PARD3: variants seen among roughly 807,000 people sequenced by gnomAD.
PARD3 encodes par-3 family cell polarity regulator.
A neutral mutation model predicts 155.4 loss-of-function variants in PARD3; 75 were observed. That is an observed-to-expected ratio of 0.48 (90% confidence interval 0.40 to 0.58). PARD3 has a LOEUF of 0.58. Among genes scored for constraint, PARD3 ranks in the 20% least tolerant of loss-of-function variants. PARD3 has a pLI of 0.00. For synonymous variants in PARD3, 576 were observed against 610.5 expected (o/e 0.94, Z 0.83); for missense variants, 1,642 against 1,721.7 (o/e 0.95, Z 0.82).
rs3041198 is a variant in PARD3, at chr10:34,562,123, CAAAAAA to C, written c.223-44970_223-44965del. On this transcript the variant is annotated intron_variant, in intron 2 of 24. Coordinates refer to ENST00000374788, the MANE Select transcript of PARD3 (RefSeq NM_001184785.2). ...CCTGGGTGACGGAGCCTGACTGTCT[CAAAAAA>C]AAAAAAAAAAAAAAAAAAAAAAAGG... is the stretch of plus-strand genomic sequence containing the variant. Among the ~76,000 whole-genome samples, 27 of 26,362 alleles carry C rather than the reference CAAAAAA, an allele frequency of 1.0e-3. 1 individual carries two copies. Among genetic ancestry groups the C allele is most frequent in the African/African-American group, 3.1e-3 (24 of 7,804 alleles). 17.3% of individuals were successfully genotyped at this position (26,362 alleles called of 152,430 possible).
intron 2 of PARD3, among the ~76,000 whole-genome samples, chr10:34,648,349 C>T (rs958884093): frequency 3.9e-5 from 6 of 152,158 alleles, no homozygotes; most frequent in African/African-American, 1.2e-4. Flanking sequence ...CAAGAGCTGC[C>T]GTGAATGGCT....
At chr10:34,812,681 A>G (rs1052196620) in intron 1 of PARD3, among the ~76,000 whole-genome samples, 9 of 152,262 alleles carry the variant, frequency 5.9e-5, no homozygotes, top group African/African-American at 2.2e-4. Flanking sequence ...AGCCCCCGTT[A>G]AAATTCACCT....
intron 3 of PARD3, among the ~76,000 whole-genome samples, chr10:34,480,430 A>T (rs970904194): frequency 2.6e-5 from 4 of 152,124 alleles, no homozygotes; most frequent in Admixed American, 1.3e-4. Flanking sequence ...TAAAAACAGG[A>T]TTTCACAGTG....
intron 21 of PARD3, among the ~76,000 whole-genome samples, chr10:34,273,374 G>GA (rs757923809): frequency 3.7e-4 from 57 of 152,082 alleles, no homozygotes; most frequent in Non-Finnish European, 6.8e-4. Context: ...CATGCAATGT[G>GA]AAAAAAACCC....
intron 2 of PARD3, among the ~76,000 whole-genome samples, chr10:34,677,469 G>A (rs2093730414): frequency 6.7e-6 from 1 of 149,234 alleles, no homozygotes; most frequent in African/African-American, 2.5e-5. Context: ...AACAGATCTA[G>A]ACTCTGTCTC....
chr10:34,718,233 T>C (rs777079514), intron 1 of PARD3, among the ~76,000 whole-genome samples: 20 of 151,112 alleles, frequency 1.3e-4, no homozygotes, highest in Non-Finnish European at 2.9e-4. Context: ...GTTATGGAAA[T>C]TGTAACTGCC....
chr10:34,494,861 G>A (rs1401433044), intron 3 of PARD3, among the ~76,000 whole-genome samples: 1 of 152,104 alleles, frequency 6.6e-6, no homozygotes, highest in African/African-American at 2.4e-5. Flanking sequence ...CACTGATGAA[G>A]CCAGCTTTGG....
At chr10:34,801,122 A>G (rs1246685937) in intron 1 of PARD3, among the ~76,000 whole-genome samples, 1 of 152,218 alleles carries the variant, frequency 6.6e-6, no homozygotes, top group Non-Finnish European at 1.5e-5. Context: ...CAAAGCACAA[A>G]AACAAAGGGG....
At chr10:34,240,105 T>C (rs1481425934) in intron 22 of PARD3, among the ~76,000 whole-genome samples, 1 of 152,204 alleles carries the variant, frequency 6.6e-6, no homozygotes, top group African/African-American at 2.4e-5. Flanking sequence ...GGCACAATTA[T>C]GATTCCCTTT....
At chr10:34,698,260 C>T (rs2094210280) in intron 1 of PARD3, among the ~76,000 whole-genome samples, 1 of 152,244 alleles carries the variant, frequency 6.6e-6, no homozygotes. Flanking sequence ...TTGTAGCCAC[C>T]CCTTGGAAAT....
intron 22 of PARD3, 133 bp from the exon 23 acceptor site, chr10:34,131,716 G>T: frequency 1.4e-6 from 1 of 737,088 alleles, no homozygotes. Flanking sequence ...AACAATATGT[G>T]GGCATTTAAA....
chr10:34,793,757 A>G (rs890092595), intron 1 of PARD3, among the ~76,000 whole-genome samples: 1 of 151,220 alleles, frequency 6.6e-6, no homozygotes, highest in Non-Finnish European at 1.5e-5. Flanking sequence ...TTGCCTGGGC[A>G]ACAAGAGTGA....
rs71030099 is a variant in PARD3, at chr10:34,129,832, CTT to C, written c.3540+1629_3540+1630del. The stretch of plus-strand genomic sequence containing the variant: ...GCCACCACATCCGGGTAATTAAAAA[CTT>C]TTTTTTTTTTTTTTTTGTAGAGATG... On this transcript the variant is annotated intron_variant, in intron 23 of 24. Coordinates refer to ENST00000374788, the MANE Select transcript of PARD3 (RefSeq NM_001184785.2). Among the ~76,000 whole-genome samples the C allele has an allele frequency of 4.7e-3, 569 of 120,120 alleles. 3 individuals are homozygous for C. Among genetic ancestry groups the C allele is most frequent in the African/African-American group, 0.017 (528 of 31,230 alleles). 78.8% of individuals were successfully genotyped at this position (120,120 alleles called of 152,430 possible).
At chr10:34,796,358 G>A (rs1347205325) in intron 1 of PARD3, among the ~76,000 whole-genome samples, 1 of 152,046 alleles carries the variant, frequency 6.6e-6, no homozygotes, top group African/African-American at 2.4e-5. Flanking sequence ...CAAATTCCTG[G>A]CCCACAAAAT....
At chr10:34,249,490 C>T (rs376624276) in intron 22 of PARD3, among the ~76,000 whole-genome samples, 1 of 152,170 alleles carries the variant, frequency 6.6e-6, no homozygotes, top group Non-Finnish European at 1.5e-5. Flanking sequence ...TGAAAAATAC[C>T]TATTTACACA....
In PARD3 at chr10:34,122,478, A is replaced by G. The variant is rs1947057920; in HGVS notation, c.3541-2738T>C. Among the ~76,000 whole-genome samples, 4 of 152,214 alleles carry G rather than the reference A, an allele frequency of 2.6e-5. No homozygotes were observed. In the South Asian group the frequency reaches 8.3e-4, roughly 32 times the overall value. On this transcript the variant is annotated intron_variant, in intron 23 of 24. Transcript: ENST00000374788. ...ACATTATCAGCATATGGGGTCTGAA[A>G]ACTTAAAAGGAGTGAATGAGTTTGG... is the stretch of plus-strand genomic sequence containing the variant.
At chr10:34,279,451 T>C (rs1189009875) in intron 21 of PARD3, among the ~76,000 whole-genome samples, 1 of 152,140 alleles carries the variant, frequency 6.6e-6, no homozygotes, top group Non-Finnish European at 1.5e-5. Flanking sequence ...TTGACTTTTC[T>C]AAAGGATTCA....
In PARD3 at chr10:34,443,081, G is replaced by A. The variant is rs181951705; in HGVS notation, c.714+7236C>T. On this transcript the variant is annotated intron_variant, in intron 5 of 24. Transcript: ENST00000374788. ...AAAAAAAACAACTCTGGTAAGTCGT[G>A]TGGACACAGGAACCACAGGTTGATC... Among the ~76,000 whole-genome samples the A allele has an allele frequency of 1.9e-3, 284 of 152,086 alleles. 1 individual carries two copies. Among genetic ancestry groups the A allele is most frequent in the Admixed American group, 0.015 (225 of 15,272 alleles).
intron 1 of PARD3, among the ~76,000 whole-genome samples, chr10:34,790,334 G>A (rs1208118583): frequency 6.6e-6 from 1 of 152,216 alleles, no homozygotes; most frequent in Non-Finnish European, 1.5e-5. Context: ...GAACAGTAAT[G>A]ACGCTGATGC....
Sources: allele counts gnomAD v4.1 joint callset (sites outside exome capture counted in the v4.1 genomes callset), GRCh38; gene constraint gnomAD v4.1.1; transcripts MANE v1.5; gene names NCBI Gene and HGNC (gene_info 2026-07-23, HGNC 2026-07-21).